The following TMEM100 variants were observed in gnomAD, a reference collection of about 807,000 sequenced individuals.
TMEM100 encodes transmembrane protein 100.
For synonymous variants in TMEM100, 61 were observed against 67.1 expected (o/e 0.91, Z 0.44); for missense variants, 137 against 168.2 (o/e 0.81, Z 1.02).
chr17:55,731,050 G>A (rs1418856703), intron 1 of TMEM100, among the ~76,000 whole-genome samples: 1 of 152,204 alleles, frequency 6.6e-6, no homozygotes, highest in African/African-American at 2.4e-5. Flanking sequence ...GAAGGGCACC[G>A]AGTCTACTTT....
In TMEM100 at chr17:55,720,183, G is replaced by A. The variant is rs193047760; in HGVS notation, c.*483C>T. Reference sequence around the variant, plus strand: ...TTAAAAGTATAAAATGAAAACAGACGCCAGTGAATCAATGTATTGAAAAAA... The same window carrying A: ...TTAAAAGTATAAAATGAAAACAGACACCAGTGAATCAATGTATTGAAAAAA... On this transcript the variant is annotated 3_prime_UTR_variant, in exon 2 of 2. Coordinates refer to ENST00000424486, the MANE Select transcript of TMEM100 (RefSeq NM_018286.3). 1.4e-4 allele frequency: 22 copies of A among 153,210 alleles called. No homozygotes were observed. The highest frequency in any genetic ancestry group is 2.3e-4 in the Non-Finnish European group (16 of 68,734). 9.5% of individuals were successfully genotyped at this position (153,210 alleles called of 1,614,324 possible).
At chr17:55,725,985 A>G (rs542346712), upstream of TMEM100, among the ~76,000 whole-genome samples, 7 of 152,272 alleles carry the variant, frequency 4.6e-5, no homozygotes, top group East Asian at 1.4e-3. Flanking sequence ...GAATGGGACC[A>G]TAAACCATCC....
chr17:55,721,631 A>T (rs1908893103), intron 1 of TMEM100: 1 of 153,362 alleles, frequency 6.5e-6, no homozygotes, highest in Non-Finnish European at 1.5e-5. Context: ...GCAAGTGGCC[A>T]GCAACAAATG....
upstream of TMEM100, among the ~76,000 whole-genome samples, chr17:55,726,601 C>T (rs1909082540): frequency 2.6e-5 from 4 of 152,128 alleles, no homozygotes; most frequent in Non-Finnish European, 1.5e-5. Context: ...TGGCTAATTT[C>T]CAGCAGCCTT....
upstream of TMEM100, among the ~76,000 whole-genome samples, chr17:55,727,442 TG>T (rs953013654): frequency 1.3e-5 from 2 of 152,062 alleles, no homozygotes; most frequent in African/African-American, 4.8e-5. Context: ...ACACCATACT[TG>T]TTTTTTTTTC....
At chr17:55,727,161 C>T (rs985737179), upstream of TMEM100, among the ~76,000 whole-genome samples, 1 of 152,200 alleles carries the variant, frequency 6.6e-6, no homozygotes, top group Non-Finnish European at 1.5e-5. Context: ...AATTACCATT[C>T]TGGCCTCAGA....
chr17:55,731,006 T>C (rs907870518), intron 1 of TMEM100, among the ~76,000 whole-genome samples: 4 of 152,296 alleles, frequency 2.6e-5, no homozygotes, highest in African/African-American at 9.6e-5. Context: ...AGCCACAGAA[T>C]GAGAACACGA....
intron 1 of TMEM100, among the ~76,000 whole-genome samples, chr17:55,728,552 A>T (rs1001216398): frequency 2.0e-5 from 3 of 152,232 alleles, no homozygotes; most frequent in African/African-American, 7.2e-5. Context: ...AAAGTCACCC[A>T]GGCCATTCCT....
Position 55,720,546 on chromosome 17 carries a change from C to CCATA in TMEM100, c.*119_*120insTATG. The CCATA allele has an allele frequency of 2.6e-6, 3 of 1,164,968 alleles. No individual in the cohort carries two copies. The highest frequency in any genetic ancestry group is 3.6e-6 in the Non-Finnish European group (3 of 832,362). 72.2% of individuals were successfully genotyped at this position (1,164,968 alleles called of 1,614,324 possible). ...AGAAGCCCCTCCACCCTCCCACCCC[C>CCATA]ATTCTTCCAGTCTGCTCCAACGCCA... On this transcript the variant is annotated 3_prime_UTR_variant, in exon 2 of 2. Transcript: ENST00000424486.
chr17:55,724,951 A>C (rs1597955834), upstream of TMEM100, among the ~76,000 whole-genome samples: 1 of 152,172 alleles, frequency 6.6e-6, no homozygotes, highest in Non-Finnish European at 1.5e-5. Context: ...GGGTGTGTGC[A>C]CCTGCCTTGA....
At position 55,730,090 on chromosome 17, in the gene TMEM100, C is replaced by A. The variant is rs769262619; in HGVS notation, c.-359+1581G>T. ...CCACTACAGATTTATTTTGGAATGT[C>A]CTGTTTTGGGCCTCATGCAATGGAA... is the stretch of plus-strand genomic sequence containing the variant. On this transcript the variant is annotated intron_variant, in intron 1 of 3. Transcript: ENST00000575734. Among the ~76,000 whole-genome samples the A allele has an allele frequency of 2.6e-5, 4 of 152,104 alleles. No individual in the cohort carries two copies. The South Asian group carries it at 6.2e-4, about 24-fold the overall frequency.
upstream of TMEM100, among the ~76,000 whole-genome samples, chr17:55,726,012 G>A (rs540238391): frequency 6.6e-6 from 1 of 152,176 alleles, no homozygotes; most frequent in Non-Finnish European, 1.5e-5. Context: ...CCAATAACAT[G>A]CAGGTAATAA....
At chr17:55,723,877 C>A (rs567637702), upstream of TMEM100, among the ~76,000 whole-genome samples, 3 of 152,184 alleles carry the variant, frequency 2.0e-5, no homozygotes, top group Non-Finnish European at 2.9e-5. Flanking sequence ...TATTTCCCAC[C>A]CCATAAACCT....
intron 1 of TMEM100, chr17:55,727,991 G>C (rs1909114120): frequency 6.6e-6 from 1 of 152,182 alleles, no homozygotes; most frequent in Non-Finnish European, 1.5e-5. Context: ...TGCTGAGAAA[G>C]AAATGGGGAG....
At chr17:55,722,593 T>A (rs1449226606) in intron 1 of TMEM100, 26 bp downstream of exon 1, 1 of 152,190 alleles carries the variant, frequency 6.6e-6, no homozygotes, top group Non-Finnish European at 1.5e-5. Flanking sequence ...AAAATCAAGA[T>A]CTGTCCCCAA....
chr17:55,720,832 G>A lies in TMEM100; in HGVS notation c.239C>T (p.Ser80Phe). The A allele has an allele frequency of 6.2e-7, 1 of 1,614,168 alleles. No individual in the cohort carries two copies. The highest frequency in any genetic ancestry group is 8.5e-7 in the Non-Finnish European group (1 of 1,180,042). Residue 80 changes from serine (S) to phenylalanine (F), a missense_variant, in exon 2 of 2, where the codon TCC becomes TTC. Ser to Phe is a radical substitution (Grantham distance 155). Coordinates refer to ENST00000424486, the MANE Select transcript of TMEM100 (RefSeq NM_018286.3). ...VVTAVAYSFN[S>F]HGSIISIFGL... ...AAAGATGGAGATAATAGACCCATGG[G>A]AATTGAAGCTGTAAGCCACCGCGGT... is the stretch of plus-strand genomic sequence containing the variant.
At chr17:55,730,015 T>C (rs1909166029) in intron 1 of TMEM100, among the ~76,000 whole-genome samples, 2 of 152,194 alleles carry the variant, frequency 1.3e-5, no homozygotes, top group South Asian at 4.1e-4. Flanking sequence ...TAAGAACTAA[T>C]TTTATGTTGC....
In TMEM100 at chr17:55,729,460, A is replaced by T. The variant is rs562275823; in HGVS notation, c.-358-1478T>A. 2.4e-4 allele frequency among the ~76,000 whole-genome samples: 36 copies of T among 152,342 alleles called. No homozygotes were observed. In the South Asian group the frequency reaches 7.5e-3, roughly 32 times the overall value. ...GCGAGGAATATGTGATAATTTTGTT[A>T]GCGTAGCTATTCACTTCTCCGGTGG... On this transcript the variant is annotated intron_variant, in intron 1 of 3. Transcript: ENST00000575734.
exon 2 of TMEM100, chr17:55,727,931 C>G (rs1411751235): frequency 6.6e-6 from 1 of 152,144 alleles, no homozygotes; most frequent in Non-Finnish European, 1.5e-5. Context: ...AAGTTGCAGG[C>G]TTGGTAAGAG....
Sources: gnomAD v4.1 joint callset for allele counts (sites outside exome capture counted in the v4.1 genomes callset) on GRCh38, gnomAD v4.1.1 for gene constraint, MANE v1.5 for transcripts, NCBI Gene and HGNC (gene_info 2026-07-23, HGNC 2026-07-21) for gene names.